Variants in PGLYRP3 observed in about 807,000 individuals in gnomAD.
The protein encoded by PGLYRP3 is peptidoglycan recognition protein I alpha.
In PGLYRP3, 39 loss-of-function variants were observed where a neutral mutation model predicts 36.0. The observed-to-expected ratio is 1.08, with a 90% CI of 0.84 to 1.41. The LOEUF (loss-of-function observed/expected upper bound fraction) is 1.41. PGLYRP3 is among the 40% of genes most tolerant of loss of function. The pLI is 0.00. For synonymous variants in PGLYRP3, 204 were observed against 172.8 expected (o/e 1.18, Z -1.42); for missense variants, 407 against 427.9 (o/e 0.95, Z 0.43).
At chr1:153,304,052 C>T in intron 4 of PGLYRP3, 43 bp from the exon 5 acceptor site, 6 of 1,580,840 alleles carry the variant, frequency 3.8e-6, no homozygotes, top group South Asian at 1.1e-5. Flanking sequence ...CAGTAAGAAA[C>T]TCCACCTAGA....
At position 153,303,781 on chromosome 1, in the gene PGLYRP3, A is replaced by G. The variant is rs902315119; in HGVS notation, c.529+76T>C. 4.0e-6 allele frequency: 6 copies of G among 1,494,590 alleles called. No individual in the cohort carries two copies. The African/African-American group carries it at 8.3e-5, about 21-fold the overall frequency. 92.6% of individuals were successfully genotyped at this position (1,494,590 alleles called of 1,614,324 possible). On this transcript the variant is annotated intron_variant, in intron 5 of 7. Transcript: ENST00000683862. ...GAATCCCATGGGGTCTAACAGGAAA[A>G]AGCACTCCCAAACATGACTCCAAAC...
intron 5 of PGLYRP3, 80 bp downstream of exon 5, chr1:153,303,777 G>A (rs1379826381): frequency 2.0e-6 from 3 of 1,488,086 alleles, no homozygotes; most frequent in Non-Finnish European, 2.7e-6. Flanking sequence ...GGTCTAACAG[G>A]AAAAAGCACT....
At chr1:153,310,429 A>G (rs1221035893) in intron 2 of PGLYRP3, among the ~76,000 whole-genome samples, 182 bp downstream of exon 2, 1 of 152,264 alleles carries the variant, frequency 6.6e-6, no homozygotes. Context: ...GTTGAAGACC[A>G]TAACAAAGGA....
At chr1:153,309,571 T>C (rs949666797) in intron 2 of PGLYRP3, among the ~76,000 whole-genome samples, 1 of 152,118 alleles carries the variant, frequency 6.6e-6, no homozygotes, top group African/African-American at 2.4e-5. Flanking sequence ...TTCTGTGAAA[T>C]CAAGAGCAAA....
intron 2 of PGLYRP3, among the ~76,000 whole-genome samples, chr1:153,309,114 C>A (rs1659833372): frequency 6.6e-6 from 1 of 152,182 alleles, no homozygotes; most frequent in Non-Finnish European, 1.5e-5. Flanking sequence ...GTGGATTAGC[C>A]ACTGCCAGCC....
In PGLYRP3 at chr1:153,307,247, G is replaced by A. The variant is rs146621978; in HGVS notation, c.76C>T (p.Arg26Cys). 589 of 1,604,222 alleles carry A rather than the reference G, an allele frequency of 3.7e-4. No individual in the cohort carries two copies. Among genetic ancestry groups the A allele is most frequent in the Non-Finnish European group, 4.7e-4 (547 of 1,175,808 alleles). The change falls in exon 3 of 8, where the codon CGC (arginine) becomes TGC (cysteine). Residue 26 changes from arginine (R) to cysteine (C), a missense_variant. Transcript: ENST00000683862. ...QAWDTPTIVS[R>C]KEWGARPLAC... is the part of the protein sequence containing the mutation. ...AGCGGTCTTGCCCCCCACTCCTTGCGGGAGACGATGGTGGGAGTATCTGTA... is the reference window on the plus strand; with the variant it reads ...AGCGGTCTTGCCCCCCACTCCTTGCAGGAGACGATGGTGGGAGTATCTGTA...
At chr1:153,303,831 G>A (rs769402586) in intron 5 of PGLYRP3, 26 bp downstream of exon 5, 1 of 1,592,988 alleles carries the variant, frequency 6.3e-7, no homozygotes, top group Admixed American at 1.7e-5. Flanking sequence ...ACGAGGAGGA[G>A]GGTGAGGTGA....
At chr1:153,306,444 C>T (rs1248242717) in intron 3 of PGLYRP3, among the ~76,000 whole-genome samples, 1 of 152,182 alleles carries the variant, frequency 6.6e-6, no homozygotes, top group East Asian at 1.9e-4. Context: ...TCCCTTGTTT[C>T]TTGCGGGTCT....
chr1:153,302,212 T>C (rs2101513835), intron 6 of PGLYRP3, among the ~76,000 whole-genome samples, 197 bp downstream of exon 6: 1 of 152,336 alleles, frequency 6.6e-6, no homozygotes, highest in East Asian at 1.9e-4. Context: ...CTTGTGGAGA[T>C]ACGTCCAAGC....
intron 6 of PGLYRP3, 145 bp downstream of exon 6, chr1:153,302,264 C>T: frequency 1.2e-6 from 1 of 815,366 alleles, no homozygotes; most frequent in Admixed American, 2.4e-5. Context: ...GATCCTCAGC[C>T]CAATCTTGCA....
chr1:153,300,492 A>T (rs1042764026), intron 6 of PGLYRP3, among the ~76,000 whole-genome samples: 3 of 152,188 alleles, frequency 2.0e-5, no homozygotes, highest in Admixed American at 2.0e-4. Flanking sequence ...CTTGTGTCAA[A>T]CTCTAACAAA....
intron 6 of PGLYRP3, among the ~76,000 whole-genome samples, chr1:153,302,026 G>T (rs1659610613): frequency 6.6e-6 from 1 of 152,230 alleles, no homozygotes; most frequent in South Asian, 2.1e-4. Flanking sequence ...TAACATCGGA[G>T]AGAGCAAGTT....
chr1:153,312,122 T>C (rs1379346748), intron 1 of PGLYRP3, among the ~76,000 whole-genome samples: 1 of 152,194 alleles, frequency 6.6e-6, no homozygotes, highest in Non-Finnish European at 1.5e-5. Flanking sequence ...AACGTCAGTA[T>C]GGCAAATCCT....
intron 5 of PGLYRP3, among the ~76,000 whole-genome samples, chr1:153,303,329 T>C (rs1001234679): frequency 6.6e-6 from 1 of 152,220 alleles, no homozygotes; most frequent in African/African-American, 2.4e-5. Flanking sequence ...CATGGCTGGT[T>C]TTTGCATTTA....
At position 153,297,787 on chromosome 1, in the gene PGLYRP3, T is replaced by C. The variant is rs914898500; in HGVS notation, c.*169A>G. 1 of 706,550 alleles carries C rather than the reference T, an allele frequency of 1.4e-6. No homozygotes were observed. The highest frequency in any genetic ancestry group is 1.8e-5 in the African/African-American group (1 of 54,944). 43.8% of individuals were successfully genotyped at this position (706,550 alleles called of 1,614,324 possible). A position where few individuals can be genotyped will look rare whatever the true frequency, so the allele number is the denominator to read the frequency against. ...GGGCTGTGAATGCCCAGCTGTGAGGTTTGGGGGCTCCTGGAGGATGTTGGC... is the reference window on the plus strand; with the variant it reads ...GGGCTGTGAATGCCCAGCTGTGAGGCTTGGGGGCTCCTGGAGGATGTTGGC... On this transcript the variant is annotated 3_prime_UTR_variant, in exon 8 of 8. Transcript: ENST00000683862.
intron 3 of PGLYRP3, among the ~76,000 whole-genome samples, chr1:153,305,388 T>C (rs1305181531): frequency 6.6e-6 from 1 of 152,246 alleles, no homozygotes; most frequent in Non-Finnish European, 1.5e-5. Flanking sequence ...TAAAAATTAC[T>C]ACATCATGTT....
chr1:153,307,357 G>T lies in PGLYRP3; in HGVS notation c.56-90C>A. ...ATGTGCCCTGACCTCTCATGCTCAGGCCCGACCTGCCCCATGCATGGGAGA... is the reference window on the plus strand; with the variant it reads ...ATGTGCCCTGACCTCTCATGCTCAGTCCCGACCTGCCCCATGCATGGGAGA... On this transcript the variant is annotated intron_variant, in intron 2 of 7. Transcript: ENST00000683862. 5.6e-6 allele frequency: 7 copies of T among 1,254,506 alleles called. No individual in the cohort carries two copies. In the South Asian group the frequency reaches 9.7e-5, roughly 17 times the overall value. The allele number at this position is 1,254,506 out of a possible 1,614,324, so 77.7% of individuals were successfully genotyped here. A position where few individuals can be genotyped will look rare whatever the true frequency, so the allele number is the denominator to read the frequency against.
At chr1:153,304,692 A>C (rs1208717444) in intron 4 of PGLYRP3, among the ~76,000 whole-genome samples, 1 of 152,256 alleles carries the variant, frequency 6.6e-6, no homozygotes, top group African/African-American at 2.4e-5. Context: ...TAGAAGTGAC[A>C]GCAATAACCG....
intron 7 of PGLYRP3, 146 bp downstream of exon 7, chr1:153,298,967 A>G (rs1557806548): frequency 1.5e-6 from 1 of 664,382 alleles, no homozygotes; most frequent in Non-Finnish European, 2.7e-6. Context: ...TCCTGGTGAC[A>G]TCCTGTATTA....
Sources: gnomAD v4.1 joint callset for allele counts (sites outside exome capture counted in the v4.1 genomes callset) on GRCh38, gnomAD v4.1.1 for gene constraint, MANE v1.5 for transcripts, NCBI Gene and HGNC (gene_info 2026-07-23, HGNC 2026-07-21) for gene names.